Variants in ASTN1 observed in about 807,000 individuals in gnomAD.
ASTN1 encodes the protein astrotactin-1.
ASTN1 carries 41 observed loss-of-function variants against 140.7 expected under a neutral mutation model. That is an observed-to-expected ratio of 0.29 (90% confidence interval 0.23 to 0.38). The LOEUF (loss-of-function observed/expected upper bound fraction) is 0.38, where lower values mean the gene tolerates loss of function less well. Among genes scored for constraint, ASTN1 ranks in the 10% least tolerant of loss-of-function variants. The probability of loss-of-function intolerance (pLI) is 1.00; values close to 1 mark genes in which losing one functional copy is unlikely to be tolerated. For missense variants in ASTN1, 1,479 were observed against 1,678.8 expected (o/e 0.88, Z 2.08); for synonymous variants, 640 against 652.2 (o/e 0.98, Z 0.29).
At chr1:176,983,482 AT>A (rs1673728735) in intron 8 of ASTN1, among the ~76,000 whole-genome samples, 1 of 151,992 alleles carries the variant, frequency 6.6e-6, no homozygotes, top group Non-Finnish European at 1.5e-5. Context: ...TTATGGACAT[AT>A]TTTCCCCAAA....
chr1:176,939,053 A>C (rs1257345378), intron 14 of ASTN1, among the ~76,000 whole-genome samples: 1 of 151,968 alleles, frequency 6.6e-6, no homozygotes, highest in African/African-American at 2.4e-5. Context: ...CGGAGGTTGC[A>C]GTGGGCTGAG....
At chr1:176,953,674 T>G (rs1312089004) in intron 11 of ASTN1, among the ~76,000 whole-genome samples, 1 of 152,128 alleles carries the variant, frequency 6.6e-6, no homozygotes, top group Admixed American at 6.5e-5. Flanking sequence ...AGAGGTGAAA[T>G]GACACATTTC....
intron 2 of ASTN1, among the ~76,000 whole-genome samples, chr1:177,037,833 A>T (rs960843664): frequency 6.6e-6 from 1 of 152,218 alleles, no homozygotes; most frequent in African/African-American, 2.4e-5. Context: ...TTGCAAAAAA[A>T]TGTGGCATTT....
intron 1 of ASTN1, among the ~76,000 whole-genome samples, chr1:177,137,856 A>C (rs953551596): frequency 1.3e-5 from 2 of 152,240 alleles, no homozygotes; most frequent in Non-Finnish European, 2.9e-5. Context: ...GCTAACTAAA[A>C]TAGCATCCAG....
At chr1:177,068,821 C>CTT (rs763780306) in intron 1 of ASTN1, among the ~76,000 whole-genome samples, 49 of 135,376 alleles carry the variant, frequency 3.6e-4, no homozygotes, top group African/African-American at 5.2e-4. Flanking sequence ...TCTTTCTTTT[C>CTT]TTTTTTTTTT....
At chr1:177,036,207 C>T (rs1463707860) in intron 2 of ASTN1, among the ~76,000 whole-genome samples, 1 of 151,634 alleles carries the variant, frequency 6.6e-6, no homozygotes, top group Non-Finnish European at 1.5e-5. Flanking sequence ...TGCACCACCA[C>T]GCCCGGCTAA....
chr1:176,899,990 T>C (rs1669696230), intron 16 of ASTN1, among the ~76,000 whole-genome samples: 1 of 152,254 alleles, frequency 6.6e-6, no homozygotes, highest in African/African-American at 2.4e-5. Flanking sequence ...ATGTCTTTTT[T>C]ACCTTTGAAA....
intron 17 of ASTN1, among the ~76,000 whole-genome samples, chr1:176,891,634 A>C (rs1669271854): frequency 6.6e-6 from 1 of 152,098 alleles, no homozygotes; most frequent in African/African-American, 2.4e-5. Context: ...TCTCTACCAA[A>C]AATACAAAAT....
chr1:177,160,360 C>CT (rs1190128107), intron 1 of ASTN1, among the ~76,000 whole-genome samples: 1 of 152,232 alleles, frequency 6.6e-6, no homozygotes, highest in African/African-American at 2.4e-5. Context: ...GCTCCAGACA[C>CT]TTTAAACAGC....
At chr1:176,949,823 G>T (rs893379615) in intron 11 of ASTN1, among the ~76,000 whole-genome samples, 5 of 152,212 alleles carry the variant, frequency 3.3e-5, no homozygotes, top group Non-Finnish European at 7.3e-5. Context: ...GCAGTGTTGG[G>T]GGGAATGGAC....
Position 176,888,087 on chromosome 1 carries a change from G to A in ASTN1, c.3058C>T (p.Pro1020Ser), listed in dbSNP as rs548106602. ...GAACCATACACAGGCTGTGGGAGAG[G>A]CGCACAGGTGGGGAGTCCATCAGCT... The part of the protein sequence containing the change: ...FGADGLPTCA[P>S]LPQPVLRLST... Residue 1020 changes from proline (P) to serine (S), a missense_variant, in exon 18 of 23, where the codon CCT (proline) becomes TCT (serine). Pro to Ser is a moderately conservative substitution (Grantham distance 74, BLOSUM62 -1). Coordinates refer to ENST00000361833, the MANE Select transcript of ASTN1 (RefSeq NM_004319.3). 1 of 1,614,116 alleles carries A rather than the reference G, an allele frequency of 6.2e-7. No homozygotes were observed. Among genetic ancestry groups the A allele is most frequent in the South Asian group, 1.1e-5 (1 of 91,072 alleles).
At position 176,862,433 on chromosome 1, in the gene ASTN1, C is replaced by T; in HGVS notation, c.*1851G>A. 1 of 985,390 alleles carries T rather than the reference C, an allele frequency of 1.0e-6. No homozygotes were observed. 61.0% of individuals were successfully genotyped at this position (985,390 alleles called of 1,614,324 possible). On this transcript the variant is annotated 3_prime_UTR_variant, in exon 23 of 23. Coordinates refer to ENST00000361833, the MANE Select transcript of ASTN1 (RefSeq NM_004319.3). ...TCCAAAGGCTAAGGGCGTACTTTCGCCCCTCCTCCTTCCACTGCACAGAGG... is the reference window on the plus strand; with the variant it reads ...TCCAAAGGCTAAGGGCGTACTTTCGTCCCTCCTCCTTCCACTGCACAGAGG...
Position 176,861,986 on chromosome 1 carries a change from C to T in ASTN1, c.*2298G>A, listed in dbSNP as rs56060621. 0.01 allele frequency: 9,905 copies of T among 985,548 alleles called. 66 individuals carry two copies. Among genetic ancestry groups the T allele is most frequent in the Non-Finnish European group, 0.011 (9,410 of 830,056 alleles). The allele number at this position is 985,548 out of a possible 1,614,324, so 61.1% of individuals were successfully genotyped here. A position where few individuals can be genotyped will look rare whatever the true frequency, so the allele number is the denominator to read the frequency against. On this transcript the variant is annotated 3_prime_UTR_variant, in exon 23 of 23. Transcript: ENST00000361833. ...CATCCACTTCTGGGCAGGAAGGCAT[C>T]GGCAGCCTCACCCTCCTTTCACTCA...
At position 176,985,396 on chromosome 1, in the gene ASTN1, C is replaced by G. The variant is rs150931059; in HGVS notation, c.1524-20159G>C. Reference sequence around the variant, plus strand: ...CCCGCTTGTCTCCCCTCTTACGAGTCCTCAAGGTTTTTGGAGCTTCTTCTG... The same window carrying G: ...CCCGCTTGTCTCCCCTCTTACGAGTGCTCAAGGTTTTTGGAGCTTCTTCTG... On this transcript the variant is annotated intron_variant, in intron 8 of 22. Transcript: ENST00000361833. Among the ~76,000 whole-genome samples the G allele has an allele frequency of 1.4e-3, 220 of 152,118 alleles. 4 individuals carry two copies. The East Asian group carries it at 0.037, about 25-fold the overall frequency.
intron 8 of ASTN1, among the ~76,000 whole-genome samples, chr1:176,980,771 T>G (rs1673575841): frequency 1.3e-5 from 2 of 152,148 alleles, no homozygotes; most frequent in South Asian, 4.1e-4. Context: ...ATGACAGCCT[T>G]GGTAACTACC....
rs1484521938 is a variant in ASTN1, at chr1:177,060,961, A to T, written c.471+117T>A. On this transcript the variant is annotated intron_variant, in intron 2 of 22. Transcript: ENST00000361833. ...ACAAATGGGAAATTTACTTATTAACATGATCAATGATCATTACAGAGTTAG... is the reference window on the plus strand; with the variant it reads ...ACAAATGGGAAATTTACTTATTAACTTGATCAATGATCATTACAGAGTTAG... The T allele has an allele frequency of 1.2e-5, 13 of 1,077,978 alleles. No homozygotes were observed. In the Admixed American group the frequency reaches 4.2e-4, roughly 35 times the overall value. 66.8% of individuals were successfully genotyped at this position (1,077,978 alleles called of 1,614,324 possible).
intron 2 of ASTN1, among the ~76,000 whole-genome samples, chr1:177,033,522 C>G (rs73045485): frequency 0.022 from 3,318 of 152,288 alleles, 129 homozygotes; most frequent in African/African-American, 0.074. Context: ...ACTGGCCCAG[C>G]AGGAAAAACC....
intron 16 of ASTN1, among the ~76,000 whole-genome samples, chr1:176,927,263 G>C (rs1197469584): frequency 6.6e-6 from 1 of 152,144 alleles, no homozygotes; most frequent in Middle Eastern, 3.2e-3. Context: ...TTACGAACGA[G>C]AATGTGCAGT....
chr1:176,986,130 T>A (rs1673895102), intron 8 of ASTN1, among the ~76,000 whole-genome samples: 1 of 152,144 alleles, frequency 6.6e-6, no homozygotes, highest in African/African-American at 2.4e-5. Context: ...CTTACTTCAT[T>A]TTTTTAGACT....
Sources: allele counts gnomAD v4.1 joint callset (sites outside exome capture counted in the v4.1 genomes callset), GRCh38; gene constraint gnomAD v4.1.1; transcripts MANE v1.5; gene names NCBI Gene and HGNC (gene_info 2026-07-23, HGNC 2026-07-21).